The following CLSTN2 variants were observed in gnomAD, a reference collection of about 807,000 sequenced individuals.
CLSTN2 encodes calsyntenin 2, also known as calsyntenin-2.
Under a neutral mutation model 101.2 loss-of-function variants are expected in CLSTN2, and 48 were observed. That is an observed-to-expected ratio of 0.47 (90% CI 0.38 to 0.60). CLSTN2 has a LOEUF of 0.60. CLSTN2 is among the 20% of genes least tolerant of loss of function. The pLI is 0.00. For synonymous variants in CLSTN2, 481 were observed against 463.6 expected, an observed-to-expected ratio of 1.04 and a Z score of -0.48; for missense variants, 1,160 against 1,238.2, an observed-to-expected ratio of 0.94 and a Z score of 0.95.
intron 2 of CLSTN2, among the ~76,000 whole-genome samples, chr3:140,284,336 T>A: frequency 6.6e-6 from 1 of 152,184 alleles, no homozygotes; most frequent in East Asian, 1.9e-4. Context: ...CTTGTTAAAT[T>A]GAACTGAATT....
At chr3:140,006,721 AT>A (rs1419701233) in intron 1 of CLSTN2, among the ~76,000 whole-genome samples, 21 of 152,186 alleles carry the variant, frequency 1.4e-4, no homozygotes, top group African/African-American at 5.1e-4. Context: ...CATTTGTCAA[AT>A]TAAAACATTC....
At chr3:140,099,055 C>T (rs1251575492) in intron 1 of CLSTN2, among the ~76,000 whole-genome samples, 2 of 152,170 alleles carry the variant, frequency 1.3e-5, no homozygotes, top group African/African-American at 4.8e-5. Flanking sequence ...CAGAGAAGGA[C>T]ATGAGAATCT....
chr3:139,966,540 C>T (rs952500707), intron 1 of CLSTN2, among the ~76,000 whole-genome samples: 1 of 152,162 alleles, frequency 6.6e-6, no homozygotes, highest in Admixed American at 6.5e-5. Context: ...TCTTTTCAGA[C>T]TCAGCTCAGG....
At chr3:140,204,123 G>A (rs1387231735) in intron 2 of CLSTN2, among the ~76,000 whole-genome samples, 1 of 152,184 alleles carries the variant, frequency 6.6e-6, no homozygotes, top group Non-Finnish European at 1.5e-5. Context: ...GGGTGATCTT[G>A]AATAAATCAT....
intron 2 of CLSTN2, among the ~76,000 whole-genome samples, chr3:140,240,267 T>C (rs185649602): frequency 0.017 from 1,327 of 79,736 alleles, 26 homozygotes; most frequent in African/African-American, 0.05. Flanking sequence ...TATATACACA[T>C]ATATACACAT....
chr3:140,535,467 A>C (rs1458571626), intron 9 of CLSTN2, among the ~76,000 whole-genome samples: 1 of 152,240 alleles, frequency 6.6e-6, no homozygotes, highest in Non-Finnish European at 1.5e-5. Context: ...TGGGAAACCC[A>C]AGTATACATT....
chr3:139,972,718 G>T (rs1372177663), intron 1 of CLSTN2, among the ~76,000 whole-genome samples: 2 of 152,168 alleles, frequency 1.3e-5, no homozygotes, highest in African/African-American at 4.8e-5. Context: ...CAGTGAAGGG[G>T]ATTCATGATG....
intron 1 of CLSTN2, among the ~76,000 whole-genome samples, chr3:140,126,939 T>G (rs2009443114): frequency 6.6e-6 from 1 of 151,742 alleles, no homozygotes; most frequent in South Asian, 2.1e-4. Flanking sequence ...TTCCTGACAA[T>G]AGTTAAAATA....
At chr3:140,059,780 T>C (rs1236025424) in intron 1 of CLSTN2, among the ~76,000 whole-genome samples, 1 of 152,154 alleles carries the variant, frequency 6.6e-6, no homozygotes, top group Non-Finnish European at 1.5e-5. Context: ...CCTTTCTGCT[T>C]TCCAAAATTG....
chr3:140,172,542 T>G (rs2010256017), intron 1 of CLSTN2, among the ~76,000 whole-genome samples: 1 of 152,228 alleles, frequency 6.6e-6, no homozygotes, highest in Non-Finnish European at 1.5e-5. Context: ...ATAAGTATAC[T>G]GTATTGATTT....
chr3:140,292,587 T>TAGA (rs1257981564), intron 2 of CLSTN2, among the ~76,000 whole-genome samples: 1 of 152,210 alleles, frequency 6.6e-6, no homozygotes, highest in Admixed American at 6.5e-5. Context: ...TCAGGCCTGT[T>TAGA]AGAACTACTG....
At chr3:140,065,185 G>A (rs547279043) in intron 1 of CLSTN2, among the ~76,000 whole-genome samples, 3 of 152,354 alleles carry the variant, frequency 2.0e-5, no homozygotes, top group South Asian at 4.1e-4. Context: ...TAATGAGCAG[G>A]TGGTCTTCAC....
chr3:140,522,321 T>G (rs1183540227), intron 8 of CLSTN2, among the ~76,000 whole-genome samples: 1 of 151,894 alleles, frequency 6.6e-6, no homozygotes, highest in African/African-American at 2.4e-5. Flanking sequence ...CTGCTTTTAA[T>G]TGGCCATGTT....
intron 1 of CLSTN2, among the ~76,000 whole-genome samples, chr3:140,054,886 G>A (rs1008646846): frequency 1.3e-5 from 2 of 152,104 alleles, no homozygotes; most frequent in Non-Finnish European, 2.9e-5. Context: ...TAGCAACAAA[G>A]GTCCATCTCC....
intron 1 of CLSTN2, among the ~76,000 whole-genome samples, chr3:139,979,787 C>T (rs1428111453): frequency 6.6e-6 from 1 of 151,958 alleles, no homozygotes; most frequent in Non-Finnish European, 1.5e-5. Context: ...CCATTGGTGT[C>T]ATTATCATCA....
At chr3:140,313,651 G>A (rs1438802677) in intron 2 of CLSTN2, among the ~76,000 whole-genome samples, 1 of 152,208 alleles carries the variant, frequency 6.6e-6, no homozygotes, top group African/African-American at 2.4e-5. Context: ...GCTTGACAGT[G>A]AAGCTTTTAC....
At chr3:140,073,324 C>A (rs905145630) in intron 1 of CLSTN2, among the ~76,000 whole-genome samples, 2 of 152,168 alleles carry the variant, frequency 1.3e-5, no homozygotes, top group Non-Finnish European at 2.9e-5. Context: ...ACTCCCACCC[C>A]CCAGGATGTA....
chr3:139,984,476 T>C (rs776063693), intron 1 of CLSTN2, among the ~76,000 whole-genome samples: 24 of 152,158 alleles, frequency 1.6e-4, no homozygotes, highest in Non-Finnish European at 3.2e-4. Context: ...CCAAGGATTC[T>C]TCTTCATTCT....
chr3:140,429,589 C>G (rs538764816), intron 5 of CLSTN2, among the ~76,000 whole-genome samples: 32 of 152,210 alleles, frequency 2.1e-4, no homozygotes, highest in African/African-American at 7.7e-4. Flanking sequence ...GGACAGGGGA[C>G]CACAGAGGCT....
Sources: gnomAD v4.1 joint callset for allele counts (sites outside exome capture counted in the v4.1 genomes callset) on GRCh38, gnomAD v4.1.1 for gene constraint, MANE v1.5 for transcripts, NCBI Gene and HGNC (gene_info 2026-07-23, HGNC 2026-07-21) for gene names.